MOB3B: variants seen among roughly 807,000 people sequenced by gnomAD.
MOB3B encodes the protein MOB kinase activator 3B.
A neutral mutation model predicts 18.7 loss-of-function variants in MOB3B; 7 were observed. The observed-to-expected ratio is 0.37, with a 90% CI of 0.21 to 0.70. The LOEUF is 0.70. Ranked by LOEUF, MOB3B falls within the 30% of genes least tolerant of loss-of-function variation. The pLI is 0.52. For synonymous variants in MOB3B, 111 were observed against 99.9 expected (o/e 1.11, Z -0.66); for missense variants, 253 against 281.3 (o/e 0.90, Z 0.72).
chr9:27,327,045 G>C lies in MOB3B; in HGVS notation c.*3542C>G, dbSNP rs1346956287. On this transcript the variant is annotated 3_prime_UTR_variant, in exon 4 of 4. Coordinates refer to ENST00000262244, the MANE Select transcript of MOB3B (RefSeq NM_024761.5). Reference sequence around the variant, plus strand: ...TGAATATTTCACCTCTGGCTACAGGGAGCATACAAATCCTCACTTGCCCAT... The same window carrying C: ...TGAATATTTCACCTCTGGCTACAGGCAGCATACAAATCCTCACTTGCCCAT... 2 of 152,720 alleles carry C rather than the reference G, an allele frequency of 1.3e-5. No individual in the cohort carries two copies. Among genetic ancestry groups the C allele is most frequent in the Non-Finnish European group, 2.9e-5 (2 of 68,438 alleles). 9.5% of individuals were successfully genotyped at this position (152,720 alleles called of 1,614,324 possible).
At chr9:27,496,783 T>C (rs1326306931) in intron 1 of MOB3B, among the ~76,000 whole-genome samples, 1 of 152,234 alleles carries the variant, frequency 6.6e-6, no homozygotes, top group Non-Finnish European at 1.5e-5. Context: ...TGTTCATTAA[T>C]TAATGCTTTC....
chr9:27,334,266 T>G (rs528661844), intron 3 of MOB3B, among the ~76,000 whole-genome samples: 1 of 152,330 alleles, frequency 6.6e-6, no homozygotes, highest in East Asian at 1.9e-4. Context: ...TACAATTGTG[T>G]ATGTTTTCTG....
chr9:27,528,224 C>T (rs1422427527), intron 1 of MOB3B, among the ~76,000 whole-genome samples: 1 of 152,232 alleles, frequency 6.6e-6, no homozygotes, highest in Non-Finnish European at 1.5e-5. Flanking sequence ...CCCTCCCGCC[C>T]TTGGAAACTT....
chr9:27,453,510 C>A, intron 2 of MOB3B, among the ~76,000 whole-genome samples: 1 of 152,162 alleles, frequency 6.6e-6, no homozygotes, highest in Non-Finnish European at 1.5e-5. Context: ...CCATTAATTT[C>A]TTCCAAGCAA....
intron 2 of MOB3B, among the ~76,000 whole-genome samples, chr9:27,429,698 G>A (rs1166617812): frequency 6.6e-6 from 1 of 152,178 alleles, no homozygotes; most frequent in Non-Finnish European, 1.5e-5. Context: ...CTGTTGCATA[G>A]ACGGAGAGCT....
intron 2 of MOB3B, chr9:27,421,170 A>G (rs918108702): frequency 1.3e-5 from 2 of 152,100 alleles, no homozygotes; most frequent in Admixed American, 1.3e-4. Context: ...AGCTCACTGA[A>G]ACCTCCGCCT....
chr9:27,352,714 A>G (rs1348590869), intron 3 of MOB3B, among the ~76,000 whole-genome samples: 1 of 152,230 alleles, frequency 6.6e-6, no homozygotes, highest in East Asian at 1.9e-4. Flanking sequence ...ATCTAGAGAC[A>G]CATCACATCA....
At chr9:27,452,791 C>A (rs1173802056) in intron 2 of MOB3B, among the ~76,000 whole-genome samples, 1 of 152,122 alleles carries the variant, frequency 6.6e-6, no homozygotes, top group Non-Finnish European at 1.5e-5. Context: ...CATAGTTTCT[C>A]TGATATTTGG....
chr9:27,423,159 C>A (rs1051786241), intron 2 of MOB3B, among the ~76,000 whole-genome samples: 1 of 152,164 alleles, frequency 6.6e-6, no homozygotes, highest in Non-Finnish European at 1.5e-5. Context: ...TTGCCTGTGA[C>A]TCGGGTTCAG....
intron 3 of MOB3B, chr9:27,358,735 C>A: frequency 1.8e-6 from 1 of 557,896 alleles, no homozygotes; most frequent in South Asian, 1.5e-5. Context: ...TTAAGGAATT[C>A]AATAAGTGGA....
chr9:27,447,797 C>T (rs1822717236), intron 2 of MOB3B, among the ~76,000 whole-genome samples: 1 of 152,132 alleles, frequency 6.6e-6, no homozygotes, highest in Non-Finnish European at 1.5e-5. Flanking sequence ...GGAACTGTGA[C>T]CATCATAATA....
chr9:27,461,403 C>T (rs1263703890), intron 1 of MOB3B, among the ~76,000 whole-genome samples: 1 of 152,204 alleles, frequency 6.6e-6, no homozygotes, highest in Non-Finnish European at 1.5e-5. Flanking sequence ...GAGATTCCTG[C>T]CTGAGAAGCA....
chr9:27,509,924 C>T (rs1019808760), intron 1 of MOB3B, among the ~76,000 whole-genome samples: 2 of 152,272 alleles, frequency 1.3e-5, no homozygotes, highest in Admixed American at 1.3e-4. Flanking sequence ...GGGGTTTCAC[C>T]ATATTGCCCA....
At chr9:27,442,776 T>C (rs1822615224) in intron 2 of MOB3B, among the ~76,000 whole-genome samples, 3 of 152,232 alleles carry the variant, frequency 2.0e-5, no homozygotes, top group Admixed American at 6.5e-5. Context: ...CTCAGCACTT[T>C]TGTGCTAGTT....
intron 3 of MOB3B, among the ~76,000 whole-genome samples, chr9:27,349,043 ATC>A (rs142039282): frequency 0.11 from 16,736 of 152,180 alleles, 2,413 homozygotes; most frequent in African/African-American, 0.33. Context: ...CTATCTGCAT[ATC>A]TCTTTCTTCT....
chr9:27,334,328 A>G (rs1820832467), intron 3 of MOB3B, among the ~76,000 whole-genome samples: 1 of 152,162 alleles, frequency 6.6e-6, no homozygotes, highest in African/African-American at 2.4e-5. Context: ...TATTTTTGAT[A>G]TGCATGAATT....
At chr9:27,390,741 A>G (rs1821716520) in intron 2 of MOB3B, among the ~76,000 whole-genome samples, 2 of 152,182 alleles carry the variant, frequency 1.3e-5, no homozygotes, top group African/African-American at 4.8e-5. Context: ...TGAATGTTTG[A>G]GTCCCCCCAA....
intron 2 of MOB3B, among the ~76,000 whole-genome samples, chr9:27,406,885 C>T (rs1319222486): frequency 1.3e-5 from 2 of 151,544 alleles, no homozygotes; most frequent in Admixed American, 6.6e-5. Flanking sequence ...GTTGTGCTGG[C>T]TGGAGTGCAA....
chr9:27,368,120 C>T (rs971931092), intron 2 of MOB3B, among the ~76,000 whole-genome samples: 2 of 152,090 alleles, frequency 1.3e-5, no homozygotes, highest in African/African-American at 2.4e-5. Context: ...CCTCTGGCAG[C>T]GTGGCTGAGA....
Sources: gnomAD v4.1 joint callset for allele counts (sites outside exome capture counted in the v4.1 genomes callset) on GRCh38, gnomAD v4.1.1 for gene constraint, MANE v1.5 for transcripts, NCBI Gene and HGNC (gene_info 2026-07-23, HGNC 2026-07-21) for gene names.